CTBP2: variants seen among roughly 807,000 people sequenced by gnomAD.
CTBP2 encodes the protein C-terminal binding protein 2.
CTBP2 carries 30 observed loss-of-function variants against 80.3 expected under a neutral mutation model. That is an observed-to-expected ratio of 0.37 (90% CI 0.28 to 0.51). The LOEUF is 0.51. Ranked by LOEUF, CTBP2 falls within the 20% of genes least tolerant of loss-of-function variation. CTBP2 has a pLI of 0.93. For missense variants in CTBP2, 1,212 were observed against 1,375.3 expected, an observed-to-expected ratio of 0.88 and a Z score of 1.88; for synonymous variants, 594 against 587.4, an observed-to-expected ratio of 1.01 and a Z score of -0.16.
At position 124,987,350 on chromosome 10, in the gene CTBP2, T is replaced by C. The variant is rs1952077323; in HGVS notation, c.*2168A>G. On this transcript the variant is annotated 3_prime_UTR_variant, in exon 9 of 9. Coordinates refer to ENST00000309035, the MANE Select transcript of CTBP2 (RefSeq NM_022802.3). ...GCATTTTGTTTTGACTTGTTCTTCC[T>C]TGGGGTCAAATTTATATATATATAT... is the stretch of plus-strand genomic sequence containing the variant. The C allele has an allele frequency of 6.7e-6, 1 of 149,732 alleles. No homozygotes were observed. The highest frequency in any genetic ancestry group is 2.1e-4 in the South Asian group (1 of 4,746). The allele number at this position is 149,732 out of a possible 1,614,324, so 9.3% of individuals were successfully genotyped here.
chr10:124,994,746 C>A, intron 4 of CTBP2, 63 bp from the exon 7 acceptor site: 1 of 1,525,992 alleles, frequency 6.6e-7, no homozygotes, highest in Non-Finnish European at 9.1e-7. Flanking sequence ...GCTGCCACCT[C>A]CATTGCTTCT....
chr10:125,101,937 C>T (rs998941398), intron 2 of CTBP2, among the ~76,000 whole-genome samples: 3 of 152,154 alleles, frequency 2.0e-5, no homozygotes, highest in South Asian at 2.1e-4. Context: ...TTCAGTGCCT[C>T]GATCGCTGAA....
chr10:125,114,642 G>A (rs1254875715), intron 1 of CTBP2, among the ~76,000 whole-genome samples: 2 of 152,162 alleles, frequency 1.3e-5, no homozygotes, highest in East Asian at 1.9e-4. Flanking sequence ...ACCTTTAGAA[G>A]CCTTCAATGA....
chr10:125,071,823 C>T lies in CTBP2; in HGVS notation c.-101-32668G>A, dbSNP rs770847333. ...CACCCCCAAACATTCCCAAAGCAGA[C>T]CCTGCACCTTTGCAAATGCTGCAGA... is the stretch of plus-strand genomic sequence containing the variant. On this transcript the variant is annotated intron_variant, in intron 2 of 10. Coordinates refer to the CTBP2 transcript ENST00000337195. Among the ~76,000 whole-genome samples, 107 of 152,224 alleles carry T rather than the reference C, an allele frequency of 7.0e-4. 1 individual carries two copies. The highest frequency in any genetic ancestry group is 8.4e-4 in the Non-Finnish European group (57 of 68,008).
intron 2 of CTBP2, among the ~76,000 whole-genome samples, chr10:125,056,295 GAC>G (rs1217366830): frequency 9.2e-5 from 14 of 152,216 alleles, no homozygotes; most frequent in African/African-American, 3.4e-4. Context: ...AGTAGTAACT[GAC>G]ACAATGCATA....
At chr10:125,007,751 C>T (rs970287925) in intron 1 of CTBP2, among the ~76,000 whole-genome samples, 2 of 152,174 alleles carry the variant, frequency 1.3e-5, no homozygotes, top group African/African-American at 4.8e-5. Flanking sequence ...TCCAGTCTTC[C>T]TAGACACTGT....
chr10:125,086,207 G>A (rs964013167), intron 2 of CTBP2, among the ~76,000 whole-genome samples: 3 of 152,186 alleles, frequency 2.0e-5, no homozygotes, highest in African/African-American at 7.2e-5. Context: ...TGAGGGTGGA[G>A]CACTCATGAA....
chr10:124,993,341 T>C lies in CTBP2; in HGVS notation c.2532-12A>G, dbSNP rs766263366. On this transcript the variant is annotated splice_polypyrimidine_tract_variant and intron_variant, in intron 6 of 8. Transcript: ENST00000309035. ...GACCCTGAGCAAAGCTAGAAAAATGTAGAAAAAACAGAGTAAGCGGGAAAT... is the reference window on the plus strand; with the variant it reads ...GACCCTGAGCAAAGCTAGAAAAATGCAGAAAAAACAGAGTAAGCGGGAAAT... 6 of 1,604,354 alleles carry C rather than the reference T, an allele frequency of 3.7e-6. No individual in the cohort carries two copies. The highest frequency in any genetic ancestry group is 3.3e-5 in the South Asian group (3 of 90,630).
chr10:125,105,686 A>G (rs1851344553), intron 2 of CTBP2, among the ~76,000 whole-genome samples: 1 of 152,224 alleles, frequency 6.6e-6, no homozygotes, highest in Non-Finnish European at 1.5e-5. Context: ...TTTTTAAAAA[A>G]AAACAAGTTA....
chr10:125,026,774 A>T lies in CTBP2; in HGVS notation c.986T>A (p.Ile329Asn). 1 of 1,613,034 alleles carries T rather than the reference A, an allele frequency of 6.2e-7. No homozygotes were observed. The highest frequency in any genetic ancestry group is 8.5e-7 in the Non-Finnish European group (1 of 1,179,940). ...GCCCAGGTTGGGTGCGACAGACTTG[A>T]TATCCGCGTCCTCCAGGGTAGCCAG... Residue 329 changes from isoleucine (I) to asparagine (N), a missense_variant, in exon 1 of 9, where the codon ATC becomes AAC. By Grantham distance (149) the Ile-to-Asn change is moderately radical (BLOSUM62 -3). Around this residue, in one of 3 missense-constraint regions of CTBP2, gnomAD observed 848 missense variants for 782.3 expected, o/e 1.08. Coordinates refer to ENST00000309035, the MANE Select transcript of CTBP2 (RefSeq NM_022802.3).
At chr10:125,028,400 T>C (rs1462687766), upstream of CTBP2, among the ~76,000 whole-genome samples, 1 of 152,154 alleles carries the variant, frequency 6.6e-6, no homozygotes, top group Admixed American at 6.5e-5. Flanking sequence ...CGTTAATCCA[T>C]GGCACAGCTA....
intron 2 of CTBP2, among the ~76,000 whole-genome samples, chr10:125,086,698 G>C (rs1490132040): frequency 2.6e-5 from 4 of 151,830 alleles, no homozygotes; most frequent in African/African-American, 9.7e-5. Flanking sequence ...CAGAACTTGG[G>C]CCCTCATCAG....
intron 1 of CTBP2, among the ~76,000 whole-genome samples, chr10:125,128,702 C>T (rs765441594): frequency 6.6e-6 from 1 of 152,230 alleles, no homozygotes; most frequent in African/African-American, 2.4e-5. Context: ...AAATAGCTGA[C>T]TTCCATACAT....
At chr10:125,141,894 G>C (rs1213807334) in intron 1 of CTBP2, among the ~76,000 whole-genome samples, 22 of 152,224 alleles carry the variant, frequency 1.4e-4, no homozygotes, top group Non-Finnish European at 2.1e-4. Flanking sequence ...CACAGAGAAA[G>C]GAGAAAGCGG....
intron 3 of CTBP2, chr10:125,001,361 T>C (rs1270462543): frequency 2.0e-5 from 3 of 152,278 alleles, no homozygotes; most frequent in African/African-American, 7.2e-5. Flanking sequence ...TGTATTCTCC[T>C]CTGCTGTTGA....
At chr10:125,007,621 G>A (rs1283960296) in intron 1 of CTBP2, among the ~76,000 whole-genome samples, 2 of 152,224 alleles carry the variant, frequency 1.3e-5, no homozygotes, top group African/African-American at 2.4e-5. Context: ...CAGGCCTGGA[G>A]TTGACCTTCT....
intron 2 of CTBP2, among the ~76,000 whole-genome samples, chr10:125,097,835 G>A (rs981378550): frequency 2.6e-5 from 4 of 152,142 alleles, no homozygotes; most frequent in African/African-American, 9.7e-5. Flanking sequence ...GACGAGGCTG[G>A]GAGCAGTGGC....
chr10:125,048,592 A>G (rs1340768629), intron 2 of CTBP2, among the ~76,000 whole-genome samples: 1 of 152,166 alleles, frequency 6.6e-6, no homozygotes, highest in Non-Finnish European at 1.5e-5. Flanking sequence ...CTGGAGGTAC[A>G]GGCCAAGAAG....
intron 1 of CTBP2, among the ~76,000 whole-genome samples, chr10:125,148,561 T>C (rs531981578): frequency 7.9e-5 from 12 of 152,288 alleles, no homozygotes; most frequent in Admixed American, 3.3e-4. Context: ...GCTTCTAAGC[T>C]CTCGGGCCTG....
Sources: gnomAD v4.1 joint callset for allele counts (sites outside exome capture counted in the v4.1 genomes callset) on GRCh38, gnomAD v4.1.1 for gene constraint, gnomAD v4.1.1 regional missense constraint, MANE v1.5 for transcripts, NCBI Gene and HGNC (gene_info 2026-07-23, HGNC 2026-07-21) for gene names.